The following ZFHX3 variants were observed in gnomAD, a reference collection of about 807,000 sequenced individuals.
ZFHX3 encodes zinc finger homeobox 3, also known as zinc finger homeobox protein 3.
In ZFHX3, 42 loss-of-function variants were observed where a neutral mutation model predicts 279.1. The ratio of observed to expected loss-of-function variants is 0.15; its 90% CI spans 0.12 to 0.19. The LOEUF is 0.19. Among genes scored for constraint, ZFHX3 ranks in the 10% least tolerant of loss-of-function variants. ZFHX3 has a pLI of 1.00. For synonymous variants in ZFHX3, 2,293 were observed against 1,957.8 expected (o/e 1.17, Z -4.52); for missense variants, 4,981 against 4,754.0 (o/e 1.05, Z -1.40).
At chr16:73,687,912 A>G (rs548179842) in intron 1 of ZFHX3, among the ~76,000 whole-genome samples, 1 of 151,054 alleles carries the variant, frequency 6.6e-6, no homozygotes, top group Non-Finnish European at 1.5e-5. Context: ...TGTGCTCTTT[A>G]CCCCAAAATT....
chr16:73,336,710 T>G (rs1248912189), intron 3 of ZFHX3, among the ~76,000 whole-genome samples: 1 of 152,140 alleles, frequency 6.6e-6, no homozygotes, highest in African/African-American at 2.4e-5. Flanking sequence ...TGCACATGTG[T>G]CTTTAGGGTA....
At chr16:72,864,745 A>C (rs1021134478) in intron 4 of ZFHX3, among the ~76,000 whole-genome samples, 2 of 152,214 alleles carry the variant, frequency 1.3e-5, no homozygotes, top group African/African-American at 4.8e-5. Context: ...CAATCCCAAC[A>C]GCTATGGCCT....
Position 73,311,862 on chromosome 16 carries a change from T to C in ZFHX3, c.-1194+6378A>G, listed in dbSNP as rs149114236. Among the ~76,000 whole-genome samples, 945 of 152,280 alleles carry C rather than the reference T, an allele frequency of 6.2e-3. 12 individuals carry two copies. Among genetic ancestry groups the C allele is most frequent in the African/African-American group, 0.022 (907 of 41,566 alleles). ...TCAATTGTCAAAGGCAGGAGTAAGA[T>C]GCTTTTGCTTATGACCCATTTATGT... is the stretch of plus-strand genomic sequence containing the variant. On this transcript the variant is annotated intron_variant, in intron 4 of 17. Transcript: ENST00000641206.
rs2035976197 is a variant in ZFHX3, at chr16:72,798,066, A to C, written c.4616T>G (p.Leu1539Arg). ...ACACTTGTAAGGGCGAGAAGGGTCT[A>C]GGAACTTTTCCATAGTAAAATTGGG... The part of the protein sequence containing the change: ...KGPNFTMEKF[L>R]DPSRPYKCTV... The change falls in exon 9 of 10, where the codon CTA becomes CGA. Residue 1539 changes from leucine to arginine, a missense_variant. By Grantham distance (102) the Leu-to-Arg change is moderately radical (BLOSUM62 -2). Around this residue, in one of 7 missense-constraint regions of ZFHX3, gnomAD observed 1,751 missense variants for 1,770.0 expected, o/e 0.99. Coordinates refer to ENST00000268489, the MANE Select transcript of ZFHX3 (RefSeq NM_006885.4). 1 of 1,614,224 alleles carries C rather than the reference A, an allele frequency of 6.2e-7. No individual in the cohort carries two copies. Among genetic ancestry groups the C allele is most frequent in the South Asian group, 1.1e-5 (1 of 91,084 alleles).
intron 2 of ZFHX3, among the ~76,000 whole-genome samples, chr16:73,598,567 A>G (rs1205559067): frequency 1.3e-5 from 2 of 151,638 alleles, no homozygotes; most frequent in Non-Finnish European, 2.9e-5. Context: ...ACAAGCACGC[A>G]TCGCCACGCC....
intron 2 of ZFHX3, among the ~76,000 whole-genome samples, chr16:73,466,726 A>G (rs550545751): frequency 6.8e-4 from 103 of 152,146 alleles, no homozygotes; most frequent in African/African-American, 2.1e-3. Context: ...CATCAAACTA[A>G]CCCCAGTAGG....
chr16:72,848,765 G>C (rs1372185314), intron 4 of ZFHX3, among the ~76,000 whole-genome samples: 1 of 151,368 alleles, frequency 6.6e-6, no homozygotes, highest in Admixed American at 6.6e-5. Context: ...CCAGACCCAG[G>C]ACCACTCTCT....
chr16:73,150,090 A>C (rs1000078694), intron 5 of ZFHX3, among the ~76,000 whole-genome samples: 2 of 152,300 alleles, frequency 1.3e-5, no homozygotes, highest in African/African-American at 2.4e-5. Context: ...TGGGGGAGTT[A>C]CATTTTCCAC....
intron 5 of ZFHX3, among the ~76,000 whole-genome samples, chr16:73,238,077 C>T (rs1401089798): frequency 6.6e-6 from 1 of 152,182 alleles, no homozygotes; most frequent in Admixed American, 6.5e-5. Flanking sequence ...TCTCGCAAGA[C>T]GTCTCCTCTG....
At chr16:73,590,718 T>C (rs1011429063) in intron 2 of ZFHX3, among the ~76,000 whole-genome samples, 3 of 152,202 alleles carry the variant, frequency 2.0e-5, no homozygotes, top group African/African-American at 7.2e-5. Flanking sequence ...TTTTGTTTAG[T>C]TTTGTTTTGA....
intron 1 of ZFHX3, among the ~76,000 whole-genome samples, chr16:73,710,301 G>A (rs754083438): frequency 6.6e-6 from 1 of 152,278 alleles, no homozygotes; most frequent in African/African-American, 2.4e-5. Flanking sequence ...AAATGGTAAC[G>A]ATCATGTGGT....
chr16:73,711,705 G>A (rs548448858), intron 1 of ZFHX3, among the ~76,000 whole-genome samples: 61 of 152,190 alleles, frequency 4.0e-4, no homozygotes, highest in Non-Finnish European at 7.9e-4. Flanking sequence ...AGAGGCTGAT[G>A]GAAAGAAACA....
chr16:73,664,239 G>C (rs2052812923), intron 2 of ZFHX3, among the ~76,000 whole-genome samples: 1 of 152,126 alleles, frequency 6.6e-6, no homozygotes, highest in African/African-American at 2.4e-5. Flanking sequence ...TAGAAGCCTT[G>C]TTTTCTAGAG....
At chr16:72,901,251 G>C (rs78919267) in intron 3 of ZFHX3, among the ~76,000 whole-genome samples, 1,535 of 152,256 alleles carry the variant, frequency 0.01, 28 homozygotes, top group Non-Finnish European at 0.012. Context: ...TGCTGGAACC[G>C]AGCCTACAGA....
intron 1 of ZFHX3, among the ~76,000 whole-genome samples, chr16:73,001,211 G>A (rs1963487114): frequency 6.6e-6 from 1 of 152,196 alleles, no homozygotes; most frequent in Non-Finnish European, 1.5e-5. Context: ...GCTGCTCTGT[G>A]GTGAGACCCA....
intron 3 of ZFHX3, among the ~76,000 whole-genome samples, chr16:73,438,417 A>C (rs184597413): frequency 6.6e-6 from 1 of 152,346 alleles, no homozygotes; most frequent in East Asian, 1.9e-4. Flanking sequence ...AATCTTGGGC[A>C]TTTGAACCAA....
intron 3 of ZFHX3, among the ~76,000 whole-genome samples, chr16:73,430,143 G>C (rs377321356): frequency 2.0e-5 from 3 of 151,990 alleles, no homozygotes; most frequent in East Asian, 3.9e-4. Flanking sequence ...TCCCTCTTTG[G>C]CCTCTCAAAG....
intron 3 of ZFHX3, among the ~76,000 whole-genome samples, chr16:73,450,043 T>C (rs1890471260): frequency 6.6e-6 from 1 of 152,226 alleles, no homozygotes; most frequent in Non-Finnish European, 1.5e-5. Context: ...ATTGTACATA[T>C]TCAAGGTGTA....
intron 2 of ZFHX3, among the ~76,000 whole-genome samples, chr16:73,657,314 G>A (rs955926681): frequency 7.2e-5 from 11 of 152,142 alleles, no homozygotes; most frequent in South Asian, 2.1e-4. Context: ...AAAATTAGCC[G>A]GGCGTGGTGG....
Sources: allele counts gnomAD v4.1 joint callset (sites outside exome capture counted in the v4.1 genomes callset), GRCh38; gene constraint gnomAD v4.1.1; regional missense constraint gnomAD v4.1.1; transcripts MANE v1.5; gene names NCBI Gene and HGNC (gene_info 2026-07-23, HGNC 2026-07-21).